Variants in EMC3 observed in about 807,000 individuals in gnomAD.
The protein encoded by EMC3 is 30 kDa protein.
Under a neutral mutation model 36.6 loss-of-function variants are expected in EMC3, and 13 were observed. The ratio of observed to expected loss-of-function variants is 0.35; its 90% CI spans 0.23 to 0.56. The LOEUF is 0.56. Among genes scored for constraint, EMC3 ranks in the 20% least tolerant of loss-of-function variants. The pLI, the probability that EMC3 is intolerant of heterozygous loss-of-function variation, is 0.84. For synonymous variants in EMC3, 120 were observed against 111.9 expected (o/e 1.07, Z -0.46); for missense variants, 220 against 324.5 (o/e 0.68, Z 2.47).
Position 9,976,993 on chromosome 3 carries a change from T to C in EMC3, c.271A>G (p.Thr91Ala), listed in dbSNP as rs770508354. 6.8e-6 allele frequency: 11 copies of C among 1,612,180 alleles called. No homozygotes were observed. Among genetic ancestry groups the C allele is most frequent in the Admixed American group, 1.7e-5 (1 of 59,654 alleles). Residue 91 changes from threonine to alanine, a missense_variant, in exon 3 of 8, where the codon ACT becomes GCT. Thr to Ala is a moderately conservative substitution (Grantham distance 58, BLOSUM62 0). Coordinates refer to ENST00000245046, the MANE Select transcript of EMC3 (RefSeq NM_001394674.1). ...NNPEDGFFKK[T>A]KRKVVPPSPM... is the part of the protein sequence containing the mutation. ...GAAGGTGGCACTACCTTCCGTTTAG[T>C]TTTTTTGAAAAATCCATCCTCTGGG...
Sources: allele counts gnomAD v4.1 joint callset, GRCh38; gene constraint gnomAD v4.1.1; transcripts MANE v1.5; gene names NCBI Gene and HGNC (gene_info 2026-07-23, HGNC 2026-07-21).